SLC12A5: variants seen among roughly 807,000 people sequenced by gnomAD.
SLC12A5 encodes the protein K-Cl cotransporter 2.
Under a neutral mutation model 124.0 loss-of-function variants are expected in SLC12A5, and 18 were observed. The observed-to-expected ratio is 0.15, with a 90% CI of 0.10 to 0.22. The LOEUF is 0.22. SLC12A5 is among the 10% of genes least tolerant of loss of function. SLC12A5 has a pLI of 1.00. For missense variants in SLC12A5, 867 were observed against 1,478.7 expected (o/e 0.59, Z 6.78); for synonymous variants, 589 against 568.0 (o/e 1.04, Z -0.53).
exon 2 of SLC12A5, chr20:46,022,987 G>A (rs2084368767): frequency 2.6e-6 from 1 of 389,002 alleles, no homozygotes; most frequent in East Asian, 3.8e-5. Context: ...AGAGGAGGAG[G>A]AGGAAGAGGA....
At chr20:46,027,732 A>T (rs2084412082), upstream of SLC12A5, 1 of 152,224 alleles carries the variant, frequency 6.6e-6, no homozygotes, top group South Asian at 2.1e-4. Context: ...TGGAGGCAAG[A>T]CGACTTTTAT....
chr20:46,033,175 G>A (rs553750813), intron 1 of SLC12A5, among the ~76,000 whole-genome samples: 3 of 152,298 alleles, frequency 2.0e-5, no homozygotes, highest in South Asian at 4.1e-4. Context: ...CTGGCTGGGT[G>A]ACTGAGGAAG....
Position 46,029,427 on chromosome 20 carries a change from G to C in SLC12A5, c.52+31G>C, listed in dbSNP as rs1452674313. 1.4e-5 allele frequency: 21 copies of C among 1,544,916 alleles called. No homozygotes were observed. In the Middle Eastern group the frequency reaches 8.7e-4, roughly 64 times the overall value. ...CTGTGGTCCGGGGGCGGCGGGGGAG[G>C]GGGCAGCGAGGAGAGGAGGCAGCTC... On this transcript the variant is annotated intron_variant, in intron 1 of 25. Transcript: ENST00000243964.
At chr20:46,037,581 T>C (rs1254047046) in intron 6 of SLC12A5, among the ~76,000 whole-genome samples, 196 bp downstream of exon 6, 1 of 152,192 alleles carries the variant, frequency 6.6e-6, no homozygotes, top group Non-Finnish European at 1.5e-5. Context: ...TTATGTAACA[T>C]ACACAGCTGT....
chr20:46,056,094 C>T lies in SLC12A5; in HGVS notation c.2788-56C>T. On this transcript the variant is annotated intron_variant, in intron 21 of 25. Coordinates refer to ENST00000243964, the MANE Select transcript of SLC12A5 (RefSeq NM_020708.5). This position sits in a 1 kb window ranked among gnomAD's most constrained non-coding sequence, Gnocchi z 4.3. ...CATCATCTCTGGTGATAGCTCTTTG[C>T]AGGGCATGGGTGGTGACTCCCAGCA... The T allele has an allele frequency of 6.2e-7, 1 of 1,604,196 alleles. No homozygotes were observed. Among genetic ancestry groups the T allele is most frequent in the Non-Finnish European group, 8.5e-7 (1 of 1,175,060 alleles).
At position 46,043,202 on chromosome 20, in the gene SLC12A5, T is replaced by A. The variant is rs2084563055; in HGVS notation, c.1116T>A (p.Ser372Arg). 6.2e-7 allele frequency: 1 copy of A among 1,613,282 alleles called. No homozygotes were observed. Among genetic ancestry groups the A allele is most frequent in the Non-Finnish European group, 8.5e-7 (1 of 1,179,752 alleles). The change falls in exon 9 of 26, where the codon AGT (serine) becomes AGA (arginine). Residue 372 changes from serine (S) to arginine (R), a missense_variant. By Grantham distance (110) the Ser-to-Arg change is moderately radical (BLOSUM62 -1). Around this residue, in one of 9 missense-constraint regions of SLC12A5, gnomAD observed 127 missense variants for 164.1 expected, o/e 0.77. Coordinates refer to ENST00000243964, the MANE Select transcript of SLC12A5 (RefSeq NM_020708.5). ...YLTKGVIVER[S>R]GMTSVGLADG... ...CCAAGGGCGTGATTGTGGAGAGGAG[T>A]GGGATGACCTCGGTGGGCCTGGCCG...
At chr20:46,055,586 G>A (rs918371151) in intron 21 of SLC12A5, among the ~76,000 whole-genome samples, 2 of 152,072 alleles carry the variant, frequency 1.3e-5, no homozygotes, top group Non-Finnish European at 2.9e-5. Flanking sequence ...GGAGTCCTTG[G>A]GAAAATGAGT....
intron 21 of SLC12A5, chr20:46,055,755 A>C (rs556829439): frequency 4.6e-6 from 1 of 219,090 alleles, no homozygotes; most frequent in African/African-American, 2.3e-5. Flanking sequence ...ATGGATTCTC[A>C]GGGGGATGAG....
chr20:46,043,075 G>A, intron 8 of SLC12A5, 78 bp from the exon 9 acceptor site: 1 of 1,432,104 alleles, frequency 7.0e-7, no homozygotes, highest in East Asian at 2.3e-5. Flanking sequence ...CTGACTTTTT[G>A]CCCCCTCCCA....
chr20:46,023,146 C>T (rs2084370476), intron 2 of SLC12A5: 2 of 398,042 alleles, frequency 5.0e-6, no homozygotes, highest in Admixed American at 4.4e-5. Flanking sequence ...GGCGGACCTC[C>T]TCATTGTACA....
chr20:46,047,488 G>T lies in SLC12A5; in HGVS notation c.1822G>T (p.Ala608Ser). 1 of 1,614,098 alleles carries T rather than the reference G, an allele frequency of 6.2e-7. No homozygotes were observed. The highest frequency in any genetic ancestry group is 8.5e-7 in the Non-Finnish European group (1 of 1,179,956). ...LSFLGMSLCLALMFICSWYYA... is the reference protein window; with the variant it reads ...LSFLGMSLCLSLMFICSWYYA... ...CTTCCTGGGCATGAGCCTCTGCCTGGCCCTCATGTTCATCTGCTCCTGGTA... is the reference window on the plus strand; with the variant it reads ...CTTCCTGGGCATGAGCCTCTGCCTGTCCCTCATGTTCATCTGCTCCTGGTA... Residue 608 changes from alanine (A) to serine (S), a missense_variant, in exon 15 of 26, where the codon GCC becomes TCC. This residue lies in a region of SLC12A5 where 152 missense variants were observed against 358.7 expected (regional missense o/e 0.42). Transcript: ENST00000243964.
chr20:46,021,740 G>A, upstream of SLC12A5: 1 of 1,533,370 alleles, frequency 6.5e-7, no homozygotes, highest in South Asian at 1.2e-5. Flanking sequence ...GGACCTTGCC[G>A]CGGCCGCCTG....
chr20:46,044,356 C>T (rs1173387793), intron 11 of SLC12A5, among the ~76,000 whole-genome samples: 1 of 152,014 alleles, frequency 6.6e-6, no homozygotes, highest in Non-Finnish European at 1.5e-5. Flanking sequence ...ACTTTAAGTG[C>T]AGTCGGTAGG....
At position 46,053,452 on chromosome 20, in the gene SLC12A5, T is replaced by G. The variant is rs2084663629; in HGVS notation, c.2548-126T>G. 1 of 1,305,396 alleles carries G rather than the reference T, an allele frequency of 7.7e-7. No individual in the cohort carries two copies. The highest frequency in any genetic ancestry group is 1.1e-6 in the Non-Finnish European group (1 of 937,302). The allele number at this position is 1,305,396 out of a possible 1,614,324, so 80.9% of individuals were successfully genotyped here. ...GAGAGTGGCCCCAAAGACAGAGGAT[T>G]TGGGGTCTGCATGTATGTGTGAGGA... On this transcript the variant is annotated intron_variant, in intron 19 of 25. Transcript: ENST00000243964. This position sits in a 1 kb window ranked among gnomAD's most constrained non-coding sequence, Gnocchi z 4.7.
chr20:46,046,022 C>T, intron 13 of SLC12A5, 26 bp downstream of exon 13: 1 of 1,598,310 alleles, frequency 6.3e-7, no homozygotes, highest in Non-Finnish European at 8.6e-7. Context: ...CTTGCCCTCC[C>T]CCCTGGTTCA....
At chr20:46,031,394 C>T (rs1377514525) in intron 1 of SLC12A5, among the ~76,000 whole-genome samples, 1 of 152,168 alleles carries the variant, frequency 6.6e-6, no homozygotes, top group African/African-American at 2.4e-5. Flanking sequence ...GTCCCCCCTC[C>T]TCCAAGCGGT....
In SLC12A5 at chr20:46,049,876, C is replaced by T. The variant is rs570901937; in HGVS notation, c.2181+86C>T. On this transcript the variant is annotated intron_variant, in intron 17 of 25. Coordinates refer to ENST00000243964, the MANE Select transcript of SLC12A5 (RefSeq NM_020708.5). ...ATCCTTTTGTACTTTCCTTCCTCAT[C>T]ACCTTCAGGATCAAAGGAAGTGCAG... The T allele has an allele frequency of 9.9e-6, 14 of 1,407,948 alleles. No individual in the cohort carries two copies. In the African/African-American group the frequency reaches 1.4e-4, roughly 14 times the overall value. The allele number at this position is 1,407,948 out of a possible 1,614,324, so 87.2% of individuals were successfully genotyped here. A position where few individuals can be genotyped will look rare whatever the true frequency, so the allele number is the denominator to read the frequency against.
At chr20:46,034,000 G>A (rs751559393) in intron 1 of SLC12A5, among the ~76,000 whole-genome samples, 4 of 151,760 alleles carry the variant, frequency 2.6e-5, no homozygotes, top group Non-Finnish European at 5.9e-5. Flanking sequence ...CCCTCTGGAT[G>A]AGGTCCACAT....
Position 46,058,008 on chromosome 20 carries a change from G to A in SLC12A5, c.*403G>A. 1 of 181,130 alleles carries A rather than the reference G, an allele frequency of 5.5e-6. No homozygotes were observed. The highest frequency in any genetic ancestry group is 1.1e-5 in the Non-Finnish European group (1 of 88,342). 11.2% of individuals were successfully genotyped at this position (181,130 alleles called of 1,614,324 possible). On this transcript the variant is annotated 3_prime_UTR_variant, in exon 26 of 26. Coordinates refer to ENST00000243964, the MANE Select transcript of SLC12A5 (RefSeq NM_020708.5). The surrounding 1 kb of genome is among the most constrained non-coding windows in gnomAD (Gnocchi z 5.8). ...GGTCCTCGCTCTGCGCTCCTCCGGC[G>A]CTGCTCCCTGGCTCCCGGCGGCCCG...
Sources: allele counts gnomAD v4.1 joint callset (sites outside exome capture counted in the v4.1 genomes callset), GRCh38; gene constraint gnomAD v4.1.1; regional missense constraint gnomAD v4.1.1; non-coding constraint Gnocchi (gnomAD v3.1); transcripts MANE v1.5; gene names NCBI Gene and HGNC (gene_info 2026-07-23, HGNC 2026-07-21).